TOX3: variants seen among roughly 807,000 people sequenced by gnomAD.
TOX3 encodes CAG trinucleotide repeat-containing gene F9 protein.
TOX3 carries 22 observed loss-of-function variants against 64.3 expected under a neutral mutation model. The ratio of observed to expected loss-of-function variants is 0.34; its 90% CI spans 0.24 to 0.49. TOX3 has a LOEUF of 0.49. Ranked by LOEUF, TOX3 falls within the 20% of genes least tolerant of loss-of-function variation. The pLI is 0.99. For synonymous variants in TOX3, 291 were observed against 273.6 expected (o/e 1.06, Z -0.63); for missense variants, 661 against 714.4 (o/e 0.93, Z 0.85).
At chr16:52,537,598 C>T (rs566730629) in intron 1 of TOX3, among the ~76,000 whole-genome samples, 2 of 152,270 alleles carry the variant, frequency 1.3e-5, no homozygotes, top group South Asian at 4.1e-4. Context: ...CTCATTGTGA[C>T]ATCAGCACTT....
chr16:52,461,652 G>A (rs891758638), intron 3 of TOX3, among the ~76,000 whole-genome samples: 2 of 152,090 alleles, frequency 1.3e-5, no homozygotes, highest in Admixed American at 6.6e-5. Flanking sequence ...ATCCTTAACA[G>A]ACAGCCATAT....
In TOX3 at chr16:52,437,369, T is replaced by A. The variant is rs1156655683; in HGVS notation, c.*1856A>T. The A allele has an allele frequency of 6.6e-6, 1 of 152,248 alleles. No homozygotes were observed. Among genetic ancestry groups the A allele is most frequent in the African/African-American group, 2.4e-5 (1 of 41,456 alleles). 9.4% of individuals were successfully genotyped at this position (152,248 alleles called of 1,614,324 possible). A position where few individuals can be genotyped will look rare whatever the true frequency, so the allele number is the denominator to read the frequency against. On this transcript the variant is annotated 3_prime_UTR_variant, in exon 7 of 7. Transcript: ENST00000219746. ...GGATCCATATTCCATTATTTTTGAA[T>A]GTCTTGCACATAGTAGCTGTGGAGC...
At chr16:52,465,005 C>CTTTTTTTTTTTTTTTTTTTTTTTTTTTT (rs1168498170) in intron 2 of TOX3, among the ~76,000 whole-genome samples, 2 of 70,944 alleles carry the variant, frequency 2.8e-5, no homozygotes, top group South Asian at 6.4e-4. Flanking sequence ...TTAATGCATT[C>CTTTTTTTTTTTTTTTTTTTTTTTTTTTT]TTTTTTTTTT....
At chr16:52,453,555 A>G (rs563000385) in intron 3 of TOX3, among the ~76,000 whole-genome samples, 3 of 152,318 alleles carry the variant, frequency 2.0e-5, no homozygotes, top group South Asian at 4.1e-4. Context: ...GGCAAATTCT[A>G]GGGCACATTT....
intron 1 of TOX3, among the ~76,000 whole-genome samples, chr16:52,482,174 T>TAA (rs1961387151): frequency 6.6e-6 from 1 of 152,190 alleles, no homozygotes; most frequent in Non-Finnish European, 1.5e-5. Context: ...AGTCAAGATG[T>TAA]AAATTTCAAT....
intron 1 of TOX3, among the ~76,000 whole-genome samples, chr16:52,490,726 C>G (rs1293446219): frequency 2.6e-4 from 37 of 144,702 alleles, no homozygotes; most frequent in Admixed American, 2.5e-3. Flanking sequence ...GCTTCCTGGA[C>G]TCAACCAATC....
intron 1 of TOX3, among the ~76,000 whole-genome samples, chr16:52,481,828 G>T (rs1166988221): frequency 6.6e-6 from 1 of 152,138 alleles, no homozygotes; most frequent in Non-Finnish European, 1.5e-5. Context: ...TACCAGATGG[G>T]TGATCATATA....
intron 1 of TOX3, among the ~76,000 whole-genome samples, chr16:52,509,357 CT>C (rs1962241686): frequency 6.6e-6 from 1 of 152,208 alleles, no homozygotes; most frequent in Non-Finnish European, 1.5e-5. Flanking sequence ...CTGTTAACCT[CT>C]GACAATTATG....
At chr16:52,485,961 G>A (rs565185329) in intron 1 of TOX3, among the ~76,000 whole-genome samples, 48 of 152,292 alleles carry the variant, frequency 3.2e-4, no homozygotes, top group African/African-American at 1.1e-3. Context: ...TCAACACAGG[G>A]GAAGCTGAAC....
intron 2 of TOX3, among the ~76,000 whole-genome samples, chr16:52,465,476 T>G (rs1289727361): frequency 6.7e-6 from 1 of 148,530 alleles, no homozygotes; most frequent in Non-Finnish European, 1.5e-5. Flanking sequence ...TTTGGTTTTT[T>G]TTTTTTTTTT....
chr16:52,504,542 CACAT>C (rs948359307), intron 1 of TOX3, among the ~76,000 whole-genome samples: 6 of 152,116 alleles, frequency 3.9e-5, no homozygotes, highest in Admixed American at 6.5e-5. Context: ...CACAACTTCC[CACAT>C]ACACACATTA....
chr16:52,446,058 G>T lies in TOX3; in HGVS notation c.842C>A (p.Thr281Asn). The T allele has an allele frequency of 6.2e-7, 1 of 1,613,936 alleles. No homozygotes were observed. The highest frequency in any genetic ancestry group is 8.5e-7 in the Non-Finnish European group (1 of 1,179,844). ...TACAATTTTTGAGACCTCTCCAAAG[G>T]TTGCATTGGGGTTTTGACCTTTAAT... ...AAIKGQNPNA[T>N]FGEVSKIVAS... The change falls in exon 5 of 7, where the codon ACC (threonine) becomes AAC (asparagine). Residue 281 changes from threonine to asparagine, a missense_variant. By Grantham distance (65) the Thr-to-Asn change is moderately conservative. Transcript: ENST00000219746.
chr16:52,512,793 G>A lies in TOX3; in HGVS notation c.87+33844C>T, dbSNP rs1368755298. 2.0e-5 allele frequency among the ~76,000 whole-genome samples: 3 copies of A among 152,062 alleles called. No individual in the cohort carries two copies. In the East Asian group the frequency reaches 5.8e-4, roughly 29 times the overall value. On this transcript the variant is annotated intron_variant, in intron 1 of 6. Coordinates refer to ENST00000219746, the MANE Select transcript of TOX3 (RefSeq NM_001080430.4). ...GAAAGAATCAATGGAAAAGCTCTGA[G>A]TTAGGAATGTGGCTGGCATGTTATT...
chr16:52,515,011 C>CAA (rs56746564), intron 1 of TOX3, among the ~76,000 whole-genome samples: 1,868 of 15,848 alleles, frequency 0.12, 707 homozygotes, highest in African/African-American at 0.23. Context: ...GACTCCATCT[C>CAA]AAAAAAAAAA....
intron 6 of TOX3, among the ~76,000 whole-genome samples, chr16:52,441,281 T>A (rs946225134): frequency 6.6e-6 from 1 of 152,242 alleles, no homozygotes; most frequent in African/African-American, 2.4e-5. Context: ...AAAACCATTA[T>A]TGGTTTCCTC....
At chr16:52,537,509 G>T (rs887055249) in intron 1 of TOX3, among the ~76,000 whole-genome samples, 3 of 152,174 alleles carry the variant, frequency 2.0e-5, no homozygotes, top group Admixed American at 2.0e-4. Flanking sequence ...GAAATCCTCA[G>T]AAATCTTCAA....
intron 3 of TOX3, among the ~76,000 whole-genome samples, chr16:52,454,652 T>C (rs1960462070): frequency 6.6e-6 from 1 of 152,206 alleles, no homozygotes; most frequent in East Asian, 1.9e-4. Context: ...TTAAAAGATG[T>C]TACCCTTGAT....
At chr16:52,519,683 C>T (rs561945731) in intron 1 of TOX3, 35 of 1,098,024 alleles carry the variant, frequency 3.2e-5, no homozygotes, top group Middle Eastern at 3.0e-4. Context: ...ATGGGCTGGG[C>T]GCAGTCGCTC....
At chr16:52,490,829 A>G (rs150487490) in intron 1 of TOX3, among the ~76,000 whole-genome samples, 1 of 151,876 alleles carries the variant, frequency 6.6e-6, no homozygotes, top group East Asian at 1.9e-4. Context: ...AGGTTTCTCT[A>G]TGTTGCCCAG....
Sources: gnomAD v4.1 joint callset for allele counts (sites outside exome capture counted in the v4.1 genomes callset) on GRCh38, gnomAD v4.1.1 for gene constraint, MANE v1.5 for transcripts, NCBI Gene and HGNC (gene_info 2026-07-23, HGNC 2026-07-21) for gene names.